The following PTPN14 variants were observed in gnomAD, a reference collection of about 807,000 sequenced individuals.
PTPN14 encodes the protein tyrosine-protein phosphatase non-receptor type 14.
A neutral mutation model predicts 126.8 loss-of-function variants in PTPN14; 53 were observed. The ratio of observed to expected loss-of-function variants is 0.42; its 90% CI spans 0.34 to 0.53. PTPN14 has a LOEUF of 0.53. PTPN14 is among the 20% of genes least tolerant of loss of function. The probability of loss-of-function intolerance (pLI) is 0.08; values close to 1 mark genes in which losing one functional copy is unlikely to be tolerated. For missense variants in PTPN14, 1,257 were observed against 1,552.9 expected (o/e 0.81, Z 3.20); for synonymous variants, 630 against 599.3 (o/e 1.05, Z -0.75).
intron 1 of PTPN14, among the ~76,000 whole-genome samples, chr1:214,479,068 T>A (rs1011564689): frequency 6.6e-6 from 1 of 151,944 alleles, no homozygotes; most frequent in East Asian, 1.9e-4. Flanking sequence ...TTTTTTGGTC[T>A]GGCACAGTGG....
chr1:214,435,480 T>C (rs1659891189), intron 3 of PTPN14, among the ~76,000 whole-genome samples: 7 of 152,030 alleles, frequency 4.6e-5, no homozygotes, highest in Admixed American at 3.9e-4. Context: ...AATGGTTAAA[T>C]AGTTCATGAA....
At chr1:214,486,533 T>A (rs1222557903) in intron 1 of PTPN14, among the ~76,000 whole-genome samples, 1 of 152,224 alleles carries the variant, frequency 6.6e-6, no homozygotes, top group African/African-American at 2.4e-5. Flanking sequence ...ATAAAACTAC[T>A]TACCACATTA....
intron 2 of PTPN14, among the ~76,000 whole-genome samples, chr1:214,454,731 A>C (rs1179444811): frequency 1.3e-5 from 2 of 152,232 alleles, no homozygotes; most frequent in Admixed American, 6.5e-5. Context: ...TAAATTTATC[A>C]CTGCTGTTGT....
intron 4 of PTPN14, 89 bp from the exon 5 acceptor site, chr1:214,411,840 T>C: frequency 1.4e-6 from 1 of 707,490 alleles, no homozygotes; most frequent in Non-Finnish European, 2.3e-6. Flanking sequence ...TACATTATTC[T>C]TCACATTTCA....
At chr1:214,442,675 A>C (rs1558104267) in intron 3 of PTPN14, among the ~76,000 whole-genome samples, 1 of 152,342 alleles carries the variant, frequency 6.6e-6, no homozygotes, top group Admixed American at 6.5e-5. Context: ...TTTTCCCTAA[A>C]GGGAAAGAAT....
chr1:214,471,440 C>T (rs895507462), intron 1 of PTPN14, among the ~76,000 whole-genome samples: 2 of 152,126 alleles, frequency 1.3e-5, no homozygotes, highest in Non-Finnish European at 2.9e-5. Context: ...CATACCCTAC[C>T]TATTTGTGAG....
At position 214,423,484 on chromosome 1, in the gene PTPN14, C is replaced by T. The variant is rs531080836; in HGVS notation, c.345-8758G>A. 4.6e-5 allele frequency among the ~76,000 whole-genome samples: 7 copies of T among 152,244 alleles called. No individual in the cohort carries two copies. The South Asian group carries it at 1.0e-3, about 23-fold the overall frequency. On this transcript the variant is annotated intron_variant, in intron 3 of 18. Transcript: ENST00000366956. ...ATCTCTGTCACTGTAACCATGAGCC[C>T]ACTTTCCAAGTTTTGTCCCTAAGAG...
At chr1:214,396,114 A>G (rs1658872450) in intron 8 of PTPN14, among the ~76,000 whole-genome samples, 1 of 152,176 alleles carries the variant, frequency 6.6e-6, no homozygotes, top group African/African-American at 2.4e-5. Context: ...AGCACTCAAT[A>G]AATGTCTGCT....
chr1:214,386,620 C>T (rs1658616978), intron 12 of PTPN14, among the ~76,000 whole-genome samples: 1 of 152,182 alleles, frequency 6.6e-6, no homozygotes, highest in Admixed American at 6.5e-5. Context: ...TTGCTCGCTG[C>T]CTTGGCCCCG....
intron 1 of PTPN14, among the ~76,000 whole-genome samples, chr1:214,515,724 T>C (rs1655085075): frequency 6.6e-6 from 1 of 152,220 alleles, no homozygotes; most frequent in Non-Finnish European, 1.5e-5. Context: ...ACAGGAATTG[T>C]TTTCTGAATT....
intron 1 of PTPN14, among the ~76,000 whole-genome samples, chr1:214,506,791 G>A (rs985317719): frequency 2.6e-5 from 4 of 151,668 alleles, no homozygotes; most frequent in Non-Finnish European, 5.9e-5. Flanking sequence ...ATTTTTCTTT[G>A]CTCCCTTTAT....
chr1:214,449,063 G>A (rs944884605), intron 3 of PTPN14, among the ~76,000 whole-genome samples: 1 of 127,260 alleles, frequency 7.9e-6, no homozygotes, highest in African/African-American at 3.1e-5. Context: ...CTGGACTGCA[G>A]TGGCGCTATC....
At chr1:214,401,811 G>C (rs377546779) in intron 6 of PTPN14, 39 bp from the exon 7 acceptor site, 1 of 1,484,252 alleles carries the variant, frequency 6.7e-7, no homozygotes, top group African/African-American at 1.4e-5. Flanking sequence ...AATGGTTAAG[G>C]GCAGCCAGTG....
intron 1 of PTPN14, among the ~76,000 whole-genome samples, chr1:214,496,973 G>T (rs1571623575): frequency 6.6e-6 from 1 of 151,922 alleles, no homozygotes; most frequent in East Asian, 1.9e-4. Flanking sequence ...TTTTAAATTG[G>T]AGGGTCTTTG....
At chr1:214,441,518 G>GA (rs1249487757) in intron 3 of PTPN14, among the ~76,000 whole-genome samples, 5 of 151,916 alleles carry the variant, frequency 3.3e-5, no homozygotes, top group Admixed American at 6.6e-5. Context: ...TGATATTCAG[G>GA]AAAAAAGGTA....
chr1:214,465,066 T>A, intron 1 of PTPN14, 109 bp from the exon 2 acceptor site: 1 of 385,980 alleles, frequency 2.6e-6, no homozygotes. Context: ...GCCAAACAGA[T>A]CAACACTCAG....
intron 10 of PTPN14, 103 bp downstream of exon 10, chr1:214,393,592 A>G: frequency 1.0e-6 from 1 of 952,710 alleles, no homozygotes; most frequent in South Asian, 1.6e-5. Context: ...TACAAGGAAC[A>G]AGGAAAAAGA....
chr1:214,469,168 T>C lies in PTPN14; in HGVS notation c.-154-4211A>G, dbSNP rs147919667. On this transcript the variant is annotated intron_variant, in intron 1 of 18. Transcript: ENST00000366956. ...TCTGCTTGACACTAATCTATAACAA[T>C]AGGATTAGAGAAGAAGATCTCTTAG... 2.6e-5 allele frequency among the ~76,000 whole-genome samples: 4 copies of C among 152,290 alleles called. No homozygotes were observed. In the East Asian group the frequency reaches 7.7e-4, roughly 29 times the overall value.
At chr1:214,359,523 G>A (rs1296779002) in intron 18 of PTPN14, among the ~76,000 whole-genome samples, 3 of 151,362 alleles carry the variant, frequency 2.0e-5, no homozygotes, top group African/African-American at 4.9e-5. Flanking sequence ...GCGCCTGGCC[G>A]AGAACACCTA....
Sources: gnomAD v4.1 joint callset for allele counts (sites outside exome capture counted in the v4.1 genomes callset) on GRCh38, gnomAD v4.1.1 for gene constraint, MANE v1.5 for transcripts, NCBI Gene and HGNC (gene_info 2026-07-23, HGNC 2026-07-21) for gene names.